Variants in FNDC7 observed in about 807,000 individuals in gnomAD.
The protein encoded by FNDC7 is fibronectin type III domain containing 7.
Under a neutral mutation model 74.2 loss-of-function variants are expected in FNDC7, and 66 were observed. The observed-to-expected ratio is 0.89, with a 90% CI of 0.73 to 1.09. The LOEUF is 1.09. Among genes scored for constraint, FNDC7 ranks in the 50% least tolerant of loss-of-function variants. The pLI is 0.00. For missense variants in FNDC7, 829 were observed against 893.4 expected (o/e 0.93, Z 0.92); for synonymous variants, 307 against 330.2 (o/e 0.93, Z 0.76).
intron 11 of FNDC7, among the ~76,000 whole-genome samples, chr1:108,738,640 C>T (rs557024212): frequency 4.7e-5 from 7 of 148,518 alleles, no homozygotes; most frequent in South Asian, 2.1e-4. Flanking sequence ...GCCTTCCAGT[C>T]GGGGCTGGCT....
intron 5 of FNDC7, 38 bp from the exon 6 acceptor site, chr1:108,725,712 C>T: frequency 6.3e-7 from 1 of 1,588,400 alleles, no homozygotes; most frequent in Non-Finnish European, 8.6e-7. Context: ...AGAAAATCTC[C>T]TGCAGTAGTC....
intron 11 of FNDC7, among the ~76,000 whole-genome samples, chr1:108,741,071 T>A (rs1451932143): frequency 6.6e-6 from 1 of 152,226 alleles, no homozygotes; most frequent in Admixed American, 6.5e-5. Flanking sequence ...AATCAGAAAT[T>A]CTGGGGCTAG....
At chr1:108,737,802 C>A (rs988925028) in intron 11 of FNDC7, among the ~76,000 whole-genome samples, 2 of 152,162 alleles carry the variant, frequency 1.3e-5, no homozygotes, top group African/African-American at 4.8e-5. Context: ...GCGGCTTCAT[C>A]CCTCACACTT....
Position 108,728,870 on chromosome 1 carries a change from T to C in FNDC7, c.1608T>C (p.Ser536=). Residue 536 remains serine (S), a synonymous_variant, in exon 8 of 13, where the codon AGT becomes AGC. Transcript: ENST00000370017. ...CAGGACGGAGCCTGCCCAGCTACAG[T>C]GTGCCCCTGGAAACAGGTATGTAGC... The part of the protein sequence containing the change: ...TQAGRSLPSY[S]VPLETVPCCP... 6.2e-7 allele frequency: 1 copy of C among 1,614,044 alleles called. No individual in the cohort carries two copies. The highest frequency in any genetic ancestry group is 8.5e-7 in the Non-Finnish European group (1 of 1,179,952).
At position 108,727,964 on chromosome 1, in the gene FNDC7, T is replaced by G. The variant is rs752385901; in HGVS notation, c.1268T>G (p.Leu423Arg). Residue 423 changes from leucine to arginine, a missense_variant, in exon 7 of 13, where the codon CTT becomes CGT. Physicochemically the swap from Leu to Arg is moderately radical, Grantham distance 102 (BLOSUM62 -2). Coordinates refer to ENST00000370017, the MANE Select transcript of FNDC7 (RefSeq NM_001144937.3). The part of the protein sequence containing the change: ...ECNDTTPACT[L>R]SALECDTKYN... ...AATGACACTACTCCTGCGTGCACCC[T>G]TTCGGCTCTAGAGTGTGACACCAAG... The G allele has an allele frequency of 6.2e-7, 1 of 1,614,192 alleles. No homozygotes were observed. Among genetic ancestry groups the G allele is most frequent in the Non-Finnish European group, 8.5e-7 (1 of 1,180,032 alleles).
intron 4 of FNDC7, among the ~76,000 whole-genome samples, chr1:108,722,127 A>T (rs1219865145): frequency 2.0e-5 from 3 of 152,240 alleles, no homozygotes; most frequent in Non-Finnish European, 4.4e-5. Flanking sequence ...TATGGGGTCA[A>T]GGTCACACAG....
rs1440106672 is a variant in FNDC7, at chr1:108,713,535, A to G, written c.82+6A>G. On this transcript the variant is annotated splice_donor_region_variant and intron_variant, in intron 2 of 12. Transcript: ENST00000370017. ...GGTTGCTTCAGCAAAATCAGGTACA[A>G]TTTTCTGACCTGCAAGTTTTTCCTT... The G allele has an allele frequency of 2.6e-6, 4 of 1,545,314 alleles. No individual in the cohort carries two copies. The highest frequency in any genetic ancestry group is 2.4e-5 in the South Asian group (2 of 82,072).
Position 108,722,559 on chromosome 1 carries a change from A to G in FNDC7, c.823A>G (p.Ser275Gly). 5 of 1,614,056 alleles carry G rather than the reference A, an allele frequency of 3.1e-6. No homozygotes were observed. The highest frequency in any genetic ancestry group is 4.2e-6 in the Non-Finnish European group (5 of 1,179,932). Residue 275 changes from serine to glycine, a missense_variant, in exon 5 of 13, where the codon AGC (serine) becomes GGC (glycine). Ser to Gly is a moderately conservative substitution (Grantham distance 56, BLOSUM62 0). Coordinates refer to ENST00000370017, the MANE Select transcript of FNDC7 (RefSeq NM_001144937.3). ...TTTAGCAAGTAATGATGCTGGATCTAGCAAATCATCTTCAGCAATGACCCT... is the reference window on the plus strand; with the variant it reads ...TTTAGCAAGTAATGATGCTGGATCTGGCAAATCATCTTCAGCAATGACCCT... ...SVLASNDAGS[S>G]KSSSAMTLKT... is the part of the protein sequence containing the mutation.
intron 5 of FNDC7, among the ~76,000 whole-genome samples, chr1:108,724,194 A>G (rs1661154435): frequency 6.6e-6 from 1 of 152,234 alleles, no homozygotes; most frequent in South Asian, 2.1e-4. Context: ...TGGATAAATG[A>G]GGTATTGCCT....
intron 11 of FNDC7, among the ~76,000 whole-genome samples, chr1:108,738,083 G>A (rs1374047082): frequency 6.6e-6 from 1 of 152,212 alleles, no homozygotes; most frequent in Non-Finnish European, 1.5e-5. Flanking sequence ...TGTAGGAAGT[G>A]TCTGAGACTC....
intron 2 of FNDC7, among the ~76,000 whole-genome samples, chr1:108,714,650 G>C (rs1660937362): frequency 8.2e-6 from 1 of 121,520 alleles, no homozygotes. Flanking sequence ...TGTCGCCCAG[G>C]CTGGAGTGCA....
At chr1:108,732,252 G>C (rs375676706) in intron 9 of FNDC7, among the ~76,000 whole-genome samples, 14 of 151,290 alleles carry the variant, frequency 9.3e-5, no homozygotes, top group Non-Finnish European at 1.9e-4. Flanking sequence ...CCAGCTACTC[G>C]GGAGGCTGAG....
intron 8 of FNDC7, among the ~76,000 whole-genome samples, chr1:108,729,778 A>G (rs1318762751): frequency 1.3e-5 from 2 of 152,346 alleles, no homozygotes; most frequent in African/African-American, 2.4e-5. Context: ...AGTTTTTCTT[A>G]TATACAGTGA....
intron 2 of FNDC7, among the ~76,000 whole-genome samples, chr1:108,715,878 G>A (rs1161929158): frequency 6.6e-6 from 1 of 152,110 alleles, no homozygotes; most frequent in Middle Eastern, 3.2e-3. Flanking sequence ...TAAATAGCAG[G>A]GCCAGGGCTC....
intron 11 of FNDC7, among the ~76,000 whole-genome samples, chr1:108,740,632 C>T (rs1276487926): frequency 6.6e-6 from 1 of 152,140 alleles, no homozygotes; most frequent in Admixed American, 6.5e-5. Context: ...CGGCCATAAA[C>T]AGACTTTTTA....
intron 2 of FNDC7, among the ~76,000 whole-genome samples, chr1:108,715,534 T>C (rs1335338233): frequency 6.6e-6 from 1 of 152,210 alleles, no homozygotes; most frequent in Non-Finnish European, 1.5e-5. Flanking sequence ...CTCTCCAGCC[T>C]GTGTTTGCCG....
chr1:108,726,093 C>A (rs1029482950), intron 6 of FNDC7, 89 bp downstream of exon 6: 4 of 1,431,460 alleles, frequency 2.8e-6, no homozygotes, highest in Admixed American at 1.8e-5. Flanking sequence ...ATTGACTTAC[C>A]ACCTGGGAGT....
rs1661433505 is a variant in FNDC7 at position 108,733,272 on chromosome 1, G to A, written c.1880G>A (p.Gly627Asp). The stretch of plus-strand genomic sequence containing the variant: ...TGTGTTTGTTATTTTTATTGCCTAG[G>A]TGCCTGCTGCCCTTTGGGGGTGAAA... ...ADCSYQSYFS[G>D]ACCPLGVKLY... Residue 627 changes from glycine (G) to aspartate (D), a missense_variant and splice_region_variant, in exon 10 of 13, where the codon GGT becomes GAT. Coordinates refer to ENST00000370017, the MANE Select transcript of FNDC7 (RefSeq NM_001144937.3). 5 of 1,603,534 alleles carry A rather than the reference G, an allele frequency of 3.1e-6. No individual in the cohort carries two copies. The highest frequency in any genetic ancestry group is 4.3e-6 in the Non-Finnish European group (5 of 1,171,236).
chr1:108,722,715 A>G, intron 5 of FNDC7, 123 bp downstream of exon 5: 1 of 1,099,260 alleles, frequency 9.1e-7, no homozygotes, highest in South Asian at 2.0e-5. Context: ...GTCTAAATGA[A>G]AGCATAGAGT....
Sources: allele counts gnomAD v4.1 joint callset (sites outside exome capture counted in the v4.1 genomes callset), GRCh38; gene constraint gnomAD v4.1.1; transcripts MANE v1.5; gene names NCBI Gene and HGNC (gene_info 2026-07-23, HGNC 2026-07-21).